The following RABL6 variants were observed in gnomAD, a reference collection of about 807,000 sequenced individuals.
RABL6 encodes rab-like protein 6.
Under a neutral mutation model 72.9 loss-of-function variants are expected in RABL6, and 28 were observed. The observed-to-expected ratio is 0.38, with a 90% CI of 0.28 to 0.53. The LOEUF is 0.53. RABL6 is among the 20% of genes least tolerant of loss of function. The pLI is 0.80. For missense variants in RABL6, 1,029 were observed against 1,008.4 expected, an observed-to-expected ratio of 1.02 and a Z score of -0.28; for synonymous variants, 477 against 421.2, an observed-to-expected ratio of 1.13 and a Z score of -1.62.
chr9:136,829,955 T>A (rs2131188982), intron 5 of RABL6, among the ~76,000 whole-genome samples: 1 of 152,360 alleles, frequency 6.6e-6, no homozygotes, highest in South Asian at 2.1e-4. Flanking sequence ...CAGAGTCCAC[T>A]GTGGAGTCGC....
intron 2 of RABL6, 75 bp downstream of exon 2, chr9:136,823,734 A>C (rs1427323578): frequency 2.2e-5 from 33 of 1,482,558 alleles, no homozygotes; most frequent in Non-Finnish European, 2.9e-5. Flanking sequence ...TGGGAGATGC[A>C]TTCCCCAGAG....
chr9:136,822,263 C>T (rs571493487), intron 1 of RABL6, among the ~76,000 whole-genome samples: 6 of 152,270 alleles, frequency 3.9e-5, no homozygotes, highest in South Asian at 2.1e-4. Flanking sequence ...GCGGGAGGCC[C>T]GAGACCTGGG....
At chr9:136,837,267 AG>A in intron 8 of RABL6, 78 bp from the exon 9 acceptor site, 1 of 1,443,134 alleles carries the variant, frequency 6.9e-7, no homozygotes, top group South Asian at 1.2e-5. Flanking sequence ...CAGCAGCAGC[AG>A]CAGAGAGCCC....
Position 136,840,807 on chromosome 9 carries a change from G to A in RABL6, c.*285G>A, listed in dbSNP as rs1273997581. 1 of 1,547,340 alleles carries A rather than the reference G, an allele frequency of 6.5e-7. No homozygotes were observed. The highest frequency in any genetic ancestry group is 8.7e-7 in the Non-Finnish European group (1 of 1,146,812). On this transcript the variant is annotated 3_prime_UTR_variant, in exon 15 of 15. Coordinates refer to ENST00000311502, the MANE Select transcript of RABL6 (RefSeq NM_024718.5). The stretch of plus-strand genomic sequence containing the variant: ...GGCAGAGCCGCCAGTGTTTCTCAGG[G>A]ATGTGACTGAGGCCCAGGAGGGACC...
rs375638735 is a variant in RABL6, at chr9:136,839,012, G to A, written c.1384G>A (p.Val462Ile). ...GAGTCCCCCGCTGCCTGCAGGCCCC[G>A]TCCCCAGTCAAGACATCACTCTTTC... ...RGSPPLPAGPVPSQDITLSSE... is the reference protein window; with the variant it reads ...RGSPPLPAGPIPSQDITLSSE... The change falls in exon 11 of 15, where the codon GTC becomes ATC. Residue 462 changes from valine to isoleucine, a missense_variant. Coordinates refer to ENST00000311502, the MANE Select transcript of RABL6 (RefSeq NM_024718.5). 2.0e-4 allele frequency: 316 copies of A among 1,612,324 alleles called. 1 individual carries two copies. The South Asian group carries it at 2.7e-3, about 14-fold the overall frequency.
chr9:136,828,395 C>T (rs1008741676), intron 3 of RABL6, 99 bp from the exon 4 acceptor site: 1 of 1,254,906 alleles, frequency 8.0e-7, no homozygotes, highest in Non-Finnish European at 1.1e-6. Flanking sequence ...AGAGCACCCG[C>T]TGGAGCTGGG....
chr9:136,816,423 G>A (rs540596210), intron 1 of RABL6, among the ~76,000 whole-genome samples: 107 of 149,940 alleles, frequency 7.1e-4, no homozygotes, highest in Non-Finnish European at 1.2e-3. Flanking sequence ...TAACTTAAAA[G>A]TAGAGGTTAA....
At position 136,835,532 on chromosome 9, in the gene RABL6, G is replaced by C; in HGVS notation, c.706-210G>C. On this transcript the variant is annotated intron_variant, in intron 7 of 14. Coordinates refer to ENST00000311502, the MANE Select transcript of RABL6 (RefSeq NM_024718.5). ...CAAGCCATGCTGGCAGTGTGTAGGT[G>C]TCGTGCCGGCCACCGCAGAGGAATC... The C allele has an allele frequency of 5.6e-6, 3 of 531,678 alleles. No individual in the cohort carries two copies. The South Asian group carries it at 7.9e-5, about 14-fold the overall frequency. 32.9% of individuals were successfully genotyped at this position (531,678 alleles called of 1,614,324 possible). A position where few individuals can be genotyped will look rare whatever the true frequency, so the allele number is the denominator to read the frequency against.
chr9:136,836,047 T>G (rs376353128), intron 8 of RABL6: 1 of 562,622 alleles, frequency 1.8e-6, no homozygotes, highest in East Asian at 3.0e-5. Flanking sequence ...TGGCGTGGAC[T>G]CCTCATACAG....
At chr9:136,813,979 A>G (rs558472906) in intron 1 of RABL6, 19 of 389,468 alleles carry the variant, frequency 4.9e-5, no homozygotes, top group African/African-American at 3.7e-4. Context: ...AGCCAAAAGT[A>G]TTCTCACATC....
At chr9:136,825,396 C>T (rs978767778) in intron 2 of RABL6, among the ~76,000 whole-genome samples, 1 of 145,802 alleles carries the variant, frequency 6.9e-6, no homozygotes, top group Non-Finnish European at 1.5e-5. Context: ...CAGGAGGGGC[C>T]GTGCCCAGGA....
Position 136,839,410 on chromosome 9 carries a change from T to C in RABL6, c.1682T>C (p.Ile561Thr), listed in dbSNP as rs1429502987. ...TCGGAGAGTGACCCCGAGGGACCCATTGCTGCACAAATGCTGTCCTTCGTC... is the reference window on the plus strand; with the variant it reads ...TCGGAGAGTGACCCCGAGGGACCCACTGCTGCACAAATGCTGTCCTTCGTC... ...SSSESDPEGP[I>T]AAQMLSFVMD... The change falls in exon 12 of 15, where the codon ATT becomes ACT. Residue 561 changes from isoleucine to threonine, a missense_variant. Coordinates refer to ENST00000311502, the MANE Select transcript of RABL6 (RefSeq NM_024718.5). 1 of 1,612,498 alleles carries C rather than the reference T, an allele frequency of 6.2e-7. No homozygotes were observed. Among genetic ancestry groups the C allele is most frequent in the Non-Finnish European group, 8.5e-7 (1 of 1,179,728 alleles).
intron 12 of RABL6, 60 bp from the exon 13 acceptor site, chr9:136,839,634 C>G: frequency 6.5e-7 from 1 of 1,546,112 alleles, no homozygotes; most frequent in Non-Finnish European, 8.7e-7. Flanking sequence ...GTTTGAGATC[C>G]CACAACCCCT....
chr9:136,811,644 C>T (rs1185267432), intron 1 of RABL6, among the ~76,000 whole-genome samples: 2 of 151,672 alleles, frequency 1.3e-5, no homozygotes, highest in African/African-American at 4.8e-5. Flanking sequence ...ACAATTGCAC[C>T]ACCACACCCA....
At chr9:136,813,282 G>A in intron 1 of RABL6, 1 of 595,248 alleles carries the variant, frequency 1.7e-6, no homozygotes, top group Non-Finnish European at 3.1e-6. Context: ...AACTGTAAGT[G>A]CATGCACACC....
chr9:136,808,603 G>A (rs1847925469), intron 1 of RABL6: 1 of 191,638 alleles, frequency 5.2e-6, no homozygotes. Context: ...GGAGCGGGTC[G>A]GCGGCGGCGG....
At chr9:136,831,982 C>A in intron 6 of RABL6, 121 bp downstream of exon 6, 8 of 1,376,452 alleles carry the variant, frequency 5.8e-6, no homozygotes, top group Non-Finnish European at 7.7e-6. Flanking sequence ...GGATGTGGGT[C>A]TCGCCGCTGA....
intron 3 of RABL6, 124 bp downstream of exon 3, chr9:136,825,950 TTGC>T: frequency 1.7e-6 from 2 of 1,170,444 alleles, no homozygotes; most frequent in Non-Finnish European, 1.3e-6. Flanking sequence ...GCCCAGGGTC[TTGC>T]TGCTCTGCTC....
rs939284482 is a variant in RABL6, at chr9:136,831,912, G to A, written c.599+51G>A. On this transcript the variant is annotated intron_variant, in intron 6 of 14. Transcript: ENST00000311502. ...GGGACCCTGCCCGGTGCTCCGGTGT[G>A]CGGGGGAGGGTGCTGAGGCAGAGGC... The A allele has an allele frequency of 3.9e-6, 6 of 1,557,752 alleles. No homozygotes were observed. The African/African-American group carries it at 5.4e-5, about 14-fold the overall frequency.
Sources: gnomAD v4.1 joint callset for allele counts (sites outside exome capture counted in the v4.1 genomes callset) on GRCh38, gnomAD v4.1.1 for gene constraint, MANE v1.5 for transcripts, NCBI Gene and HGNC (gene_info 2026-07-23, HGNC 2026-07-21) for gene names.